PLEKHG1: variants seen among roughly 807,000 people sequenced by gnomAD.
PLEKHG1 encodes pleckstrin homology and RhoGEF domain containing G1, also known as pleckstrin homology domain-containing family G member 1.
PLEKHG1 carries 44 observed loss-of-function variants against 100.8 expected under a neutral mutation model. That is an observed-to-expected ratio of 0.44 (90% CI 0.34 to 0.56). PLEKHG1 has a LOEUF of 0.56. Among genes scored for constraint, PLEKHG1 ranks in the 20% least tolerant of loss-of-function variants. The pLI is 0.01. For missense variants in PLEKHG1, 1,545 were observed against 1,720.9 expected, an observed-to-expected ratio of 0.90 and a Z score of 1.81; for synonymous variants, 640 against 662.5, an observed-to-expected ratio of 0.97 and a Z score of 0.52.
At chr6:150,630,719 G>T (rs1048374380) in intron 1 of PLEKHG1, among the ~76,000 whole-genome samples, 1 of 152,132 alleles carries the variant, frequency 6.6e-6, no homozygotes, top group African/African-American at 2.4e-5. Flanking sequence ...ACACACCTGA[G>T]AACTATCAGC....
Position 150,734,099 on chromosome 6 carries a change from C to A in PLEKHG1, c.411+7C>A. On this transcript the variant is annotated splice_region_variant and intron_variant, in intron 2 of 15. Transcript: ENST00000358517. ...TTTAAAAAGCATCGTAGAGGTAAGA[C>A]CGACTTCGCTTTTAATGTTTGCCAT... is the stretch of plus-strand genomic sequence containing the variant. The A allele has an allele frequency of 6.3e-7, 1 of 1,593,698 alleles. No homozygotes were observed. The highest frequency in any genetic ancestry group is 1.1e-5 in the South Asian group (1 of 88,940).
intron 3 of PLEKHG1, among the ~76,000 whole-genome samples, chr6:150,781,912 C>G (rs982025111): frequency 1.3e-5 from 2 of 151,590 alleles, no homozygotes; most frequent in Admixed American, 1.3e-4. Flanking sequence ...GCTGGGACTA[C>G]AGGTGCCTGC....
At chr6:150,777,007 A>C (rs574216868) in intron 3 of PLEKHG1, among the ~76,000 whole-genome samples, 1 of 150,756 alleles carries the variant, frequency 6.6e-6, no homozygotes, top group Non-Finnish European at 1.5e-5. Context: ...CCTGGTGCAC[A>C]TGTGCAGTTG....
chr6:150,757,498 A>G (rs951216880), intron 2 of PLEKHG1, among the ~76,000 whole-genome samples: 23 of 152,176 alleles, frequency 1.5e-4, no homozygotes, highest in African/African-American at 5.3e-4. Flanking sequence ...TGGCATGCAG[A>G]GCTCATGGAT....
Position 150,702,400 on chromosome 6 carries a change from G to T in PLEKHG1, c.-98-31184G>T, listed in dbSNP as rs576555822. Among the ~76,000 whole-genome samples, 121 of 152,256 alleles carry T rather than the reference G, an allele frequency of 7.9e-4. 2 individuals are homozygous for T. The highest frequency in any genetic ancestry group is 2.8e-3 in the African/African-American group (115 of 41,548). On this transcript the variant is annotated intron_variant, in intron 3 of 3. Coordinates refer to the PLEKHG1 transcript ENST00000367326. ...CAGGAGAATCGCTTGAACCCCAGAG[G>T]CAGAGGTTGCAGAGAGCCAAGATCA...
At chr6:150,783,707 C>T (rs1480475442) in intron 3 of PLEKHG1, among the ~76,000 whole-genome samples, 1 of 152,248 alleles carries the variant, frequency 6.6e-6, no homozygotes, top group Non-Finnish European at 1.5e-5. Flanking sequence ...TCCAGGATCT[C>T]TTACATGCTT....
intron 2 of PLEKHG1, among the ~76,000 whole-genome samples, chr6:150,639,244 T>C (rs912639856): frequency 2.0e-5 from 3 of 152,246 alleles, no homozygotes; most frequent in African/African-American, 4.8e-5. Flanking sequence ...AGGATGGGTA[T>C]GTTTAAGGGA....
At chr6:150,657,161 A>G (rs1779003276) in intron 3 of PLEKHG1, among the ~76,000 whole-genome samples, 1 of 152,106 alleles carries the variant, frequency 6.6e-6, no homozygotes, top group Non-Finnish European at 1.5e-5. Context: ...CTCCTTAGGC[A>G]ACACGTGGTT....
chr6:150,604,692 A>T (rs1195214593), intron 1 of PLEKHG1, among the ~76,000 whole-genome samples: 1 of 152,136 alleles, frequency 6.6e-6, no homozygotes, highest in Non-Finnish European at 1.5e-5. Flanking sequence ...ACCTTTTTAT[A>T]TTTTATCTTT....
At position 150,721,677 on chromosome 6, in the gene PLEKHG1, A is replaced by G. The variant is rs562934108; in HGVS notation, c.-99+477A>G. 2.0e-5 allele frequency among the ~76,000 whole-genome samples: 3 copies of G among 152,284 alleles called. No individual in the cohort carries two copies. In the South Asian group the frequency reaches 6.2e-4, roughly 32 times the overall value. ...AACTGCAGTGATGAAGTTTAGTCTG[A>G]GTCTAGTGGCAACCAAAGTTGCCTA... On this transcript the variant is annotated intron_variant, in intron 1 of 15. Transcript: ENST00000358517.
At chr6:150,668,508 T>C (rs2128583728) in intron 3 of PLEKHG1, among the ~76,000 whole-genome samples, 1 of 152,310 alleles carries the variant, frequency 6.6e-6, no homozygotes, top group African/African-American at 2.4e-5. Context: ...TGTCTATTAT[T>C]GGGTAGTCTG....
At chr6:150,684,667 G>A (rs1306797443) in intron 3 of PLEKHG1, among the ~76,000 whole-genome samples, 2 of 152,122 alleles carry the variant, frequency 1.3e-5, no homozygotes, top group South Asian at 4.1e-4. Flanking sequence ...CCTCCAAGAA[G>A]AGCACCACTA....
intron 10 of PLEKHG1, among the ~76,000 whole-genome samples, chr6:150,812,033 G>A (rs1472441301): frequency 2.6e-5 from 4 of 152,288 alleles, no homozygotes; most frequent in East Asian, 3.9e-4. Flanking sequence ...TGAGGCAGGA[G>A]GCAGGATTTT....
chr6:150,756,039 C>T (rs1176282615), intron 2 of PLEKHG1, among the ~76,000 whole-genome samples: 6 of 152,134 alleles, frequency 3.9e-5, no homozygotes, highest in Non-Finnish European at 7.3e-5. Flanking sequence ...ATGGAAACCT[C>T]GTCCGTAAGA....
At position 150,831,967 on chromosome 6, in the gene PLEKHG1, T is replaced by C. The variant is rs1255253743; in HGVS notation, c.2856T>C (p.Ser952=). Residue 952 remains serine, a synonymous_variant, in exon 15 of 16, where the codon AGT becomes AGC. Transcript: ENST00000358517. This position sits in a 1 kb window ranked among gnomAD's most constrained non-coding sequence, Gnocchi z 4.1. ...ACAATCCCTACGACCTGGCCAACAG[T>C]GGCCTGTCTCAAACAGACCCAGAAA... 3 of 1,613,396 alleles carry C rather than the reference T, an allele frequency of 1.9e-6. No individual in the cohort carries two copies. The highest frequency in any genetic ancestry group is 1.7e-4 in the Middle Eastern group (1 of 6,058).
At chr6:150,802,902 C>T (rs1447155662) in intron 6 of PLEKHG1, among the ~76,000 whole-genome samples, 2 of 152,084 alleles carry the variant, frequency 1.3e-5, no homozygotes, top group African/African-American at 4.8e-5. Context: ...CCCCATGATC[C>T]ACCCACCTCG....
At chr6:150,725,762 T>C (rs1781932623) in intron 1 of PLEKHG1, among the ~76,000 whole-genome samples, 1 of 140,736 alleles carries the variant, frequency 7.1e-6, no homozygotes, top group Non-Finnish European at 1.5e-5. Flanking sequence ...CTATGTTTTT[T>C]TTTTCTTTTT....
chr6:150,708,498 G>A lies in PLEKHG1; in HGVS notation c.-98-25086G>A, dbSNP rs118099753. ...TCTAGGATCCCCCCTTAGGCCCCTT[G>A]TAAATCAGTCAGTCATTCCATAAAA... On this transcript the variant is annotated intron_variant, in intron 3 of 3. Coordinates refer to the PLEKHG1 transcript ENST00000367326. Among the ~76,000 whole-genome samples the A allele has an allele frequency of 9.3e-3, 1,417 of 152,228 alleles. 7 individuals are homozygous for A. The highest frequency in any genetic ancestry group is 0.02 in the Middle Eastern group (6 of 294).
chr6:150,804,663 T>C lies in PLEKHG1; in HGVS notation c.834T>C (p.Asp278=), dbSNP rs377159661. 11 of 1,613,452 alleles carry C rather than the reference T, an allele frequency of 6.8e-6. No individual in the cohort carries two copies. In the African/African-American group the frequency reaches 1.5e-4, roughly 22 times the overall value. Residue 278 remains aspartate, a synonymous_variant, in exon 7 of 16, where the codon GAT becomes GAC. Coordinates refer to ENST00000358517, the Ensembl canonical transcript of PLEKHG1. Reference sequence around the variant, plus strand: ...CAGAAGGCTATGATGTGGTGCTTGATGCTATAGACACAATGCAGCGAGTCG... The same window carrying C: ...CAGAAGGCTATGATGTGGTGCTTGACGCTATAGACACAATGCAGCGAGTCG...
Sources: gnomAD v4.1 joint callset for allele counts (sites outside exome capture counted in the v4.1 genomes callset) on GRCh38, gnomAD v4.1.1 for gene constraint, Gnocchi (gnomAD v3.1) non-coding constraint, MANE v1.5 for transcripts, NCBI Gene and HGNC (gene_info 2026-07-23, HGNC 2026-07-21) for gene names.